Variants in APH1A observed in about 807,000 individuals in gnomAD.
APH1A encodes aph-1A gamma-secretase subunit, also known as gamma-secretase subunit APH-1A.
APH1A carries 16 observed loss-of-function variants against 30.3 expected under a neutral mutation model. The ratio of observed to expected loss-of-function variants is 0.53; its 90% CI spans 0.36 to 0.80. APH1A has a LOEUF of 0.80. Ranked by LOEUF, APH1A falls within the 30% of genes least tolerant of loss-of-function variation. The pLI is 0.01. For synonymous variants in APH1A, 144 were observed against 140.1 expected, an observed-to-expected ratio of 1.03 and a Z score of -0.20; for missense variants, 245 against 337.8, an observed-to-expected ratio of 0.73 and a Z score of 2.15.
At chr1:150,268,638 C>T (rs1651955224) in intron 1 of APH1A, 60 bp downstream of exon 1, 9 of 1,520,152 alleles carry the variant, frequency 5.9e-6, no homozygotes, top group Non-Finnish European at 6.3e-6. Context: ...CCAGTTCCTC[C>T]AGCCCCTTCC....
chr1:150,266,083 G>A lies in APH1A; in HGVS notation c.*47C>T. ...CTGGAGATGGAGAAATACAGGGCGAGGACATCAGGAGGGCACCCCAGGCCC... is the reference window on the plus strand; with the variant it reads ...CTGGAGATGGAGAAATACAGGGCGAAGACATCAGGAGGGCACCCCAGGCCC... On this transcript the variant is annotated 3_prime_UTR_variant, in exon 7 of 7. Coordinates refer to ENST00000369109, the MANE Select transcript of APH1A (RefSeq NM_001077628.3). 6.4e-7 allele frequency: 1 copy of A among 1,554,424 alleles called. No homozygotes were observed. Among genetic ancestry groups the A allele is most frequent in the Non-Finnish European group, 8.7e-7 (1 of 1,148,078 alleles).
At chr1:150,267,574 T>C in intron 3 of APH1A, 96 bp from the exon 4 acceptor site, 1 of 1,586,988 alleles carries the variant, frequency 6.3e-7, no homozygotes, top group Non-Finnish European at 8.6e-7. Context: ...CTTTCACATC[T>C]ACTCTCCCTC....
In APH1A at chr1:150,265,939, C is replaced by T; in HGVS notation, c.*191G>A. On this transcript the variant is annotated 3_prime_UTR_variant, in exon 7 of 7. Transcript: ENST00000369109. ...GGCCTGAGAAAAAGACCAAGATGTC[C>T]AGTCTTGAGGGAGTACTGAGAAACT... The T allele has an allele frequency of 1.5e-6, 1 of 649,202 alleles. No individual in the cohort carries two copies. The highest frequency in any genetic ancestry group is 2.5e-6 in the Non-Finnish European group (1 of 392,334). The allele number at this position is 649,202 out of a possible 1,614,324, so 40.2% of individuals were successfully genotyped here.
intron 1 of APH1A, 160 bp downstream of exon 1, chr1:150,268,538 G>A (rs902507044): frequency 3.1e-5 from 22 of 699,154 alleles, no homozygotes; most frequent in Admixed American, 8.7e-5. Context: ...CCAACTGCGG[G>A]AAAGGACAAA....
chr1:150,268,048 C>A lies in APH1A; in HGVS notation c.193G>T (p.Ala65Ser). The part of the protein sequence containing the change: ...ILVHVTDRSD[A>S]RLQYGLLIFG... The stretch of plus-strand genomic sequence containing the variant: ...ATCAGGAGGCCGTACTGGAGCCGGG[C>A]ATCTGACCGGTCGGTCACATGGACC... The change falls in exon 2 of 7, where the codon GCC becomes TCC. Residue 65 changes from alanine to serine, a missense_variant. Coordinates refer to ENST00000369109, the MANE Select transcript of APH1A (RefSeq NM_001077628.3). The A allele has an allele frequency of 6.2e-7, 1 of 1,614,172 alleles. No individual in the cohort carries two copies. Among genetic ancestry groups the A allele is most frequent in the African/African-American group, 1.3e-5 (1 of 75,042 alleles).
rs201096173 is a variant in APH1A, at chr1:150,267,084, T to A, written c.600A>T (p.Thr200=). The change falls in exon 5 of 7, where the codon ACA becomes ACT. Residue 200 remains threonine, a synonymous_variant. Transcript: ENST00000369109. ...LGLVVGSHLL[T]SGLTFLNPWY... ...CCTGTCTCCAACTCACCAGTCCCGA[T>A]GTCAGTAGGTGACTCCCAACCACCA... 1.2e-5 allele frequency: 19 copies of A among 1,614,058 alleles called. No individual in the cohort carries two copies. In the East Asian group the frequency reaches 2.7e-4, roughly 23 times the overall value.
Position 150,268,799 on chromosome 1 carries a change from C to T in APH1A, c.12G>A (p.Ala4=), listed in dbSNP as rs376233738. 23 of 1,613,158 alleles carry T rather than the reference C, an allele frequency of 1.4e-5. No homozygotes were observed. The Middle Eastern group carries it at 4.9e-4, about 35-fold the overall frequency. The change falls in exon 1 of 7, where the codon GCG becomes GCA. Residue 4 remains alanine (A), a synonymous_variant. Coordinates refer to ENST00000369109, the MANE Select transcript of APH1A (RefSeq NM_001077628.3). MGA[A]VFFGCTFVAF... is the part of the protein sequence containing the mutation. ...CGACGAAAGTGCAGCCGAAAAACACCGCAGCCCCCATGGCTGGTCAGGTGG... is the reference window on the plus strand; with the variant it reads ...CGACGAAAGTGCAGCCGAAAAACACTGCAGCCCCCATGGCTGGTCAGGTGG...
At chr1:150,268,649 G>A (rs1553850450) in intron 1 of APH1A, 49 bp downstream of exon 1, 2 of 1,549,952 alleles carry the variant, frequency 1.3e-6, no homozygotes, top group Non-Finnish European at 8.8e-7. Context: ...AGCCCCTTCC[G>A]CACCTCTCTC....
chr1:150,266,257 G>A, intron 6 of APH1A, 63 bp from the exon 7 acceptor site: 2 of 1,552,872 alleles, frequency 1.3e-6, no homozygotes, highest in South Asian at 2.4e-5. Context: ...CACAGGGGGA[G>A]TCCTGGACAC....
chr1:150,268,357 G>C, intron 1 of APH1A: 2 of 624,356 alleles, frequency 3.2e-6, no homozygotes, highest in South Asian at 4.1e-5. Flanking sequence ...ATGACAGCCA[G>C]AGTGTGCGAG....
intron 5 of APH1A, 60 bp downstream of exon 5, chr1:150,267,015 C>G: frequency 3.4e-5 from 55 of 1,603,664 alleles, no homozygotes; most frequent in Non-Finnish European, 4.7e-5. Flanking sequence ...CCCTTTCCCC[C>G]ACATCCCACT....
chr1:150,266,798 A>G (rs1445627393), intron 5 of APH1A, 142 bp from the exon 6 acceptor site: 1 of 1,165,852 alleles, frequency 8.6e-7, no homozygotes, highest in African/African-American at 1.6e-5. Context: ...TCTTGTGGTT[A>G]AGGGGACTTT....
chr1:150,268,823 G>T lies in APH1A; in HGVS notation c.-13C>A. 6.2e-7 allele frequency: 1 copy of T among 1,607,010 alleles called. No individual in the cohort carries two copies. Among genetic ancestry groups the T allele is most frequent in the South Asian group, 1.1e-5 (1 of 90,178 alleles). On this transcript the variant is annotated 5_prime_UTR_variant, in exon 1 of 7. Coordinates refer to ENST00000369109, the MANE Select transcript of APH1A (RefSeq NM_001077628.3). Reference sequence around the variant, plus strand: ...CCGCAGCCCCCATGGCTGGTCAGGTGGGAAGGGGGGTGGGGGCCTGACCAG... The same window carrying T: ...CCGCAGCCCCCATGGCTGGTCAGGTTGGAAGGGGGGTGGGGGCCTGACCAG...
chr1:150,266,444 T>C (rs1553849890), intron 6 of APH1A, 89 bp downstream of exon 6: 1 of 1,587,584 alleles, frequency 6.3e-7, no homozygotes, highest in East Asian at 2.2e-5. Context: ...ATGTGGGCAA[T>C]GGACCCGGGC....
At position 150,268,861 on chromosome 1, in the gene APH1A, G is replaced by A; in HGVS notation, c.-51C>T. The A allele has an allele frequency of 6.6e-7, 1 of 1,523,936 alleles. No individual in the cohort carries two copies. The highest frequency in any genetic ancestry group is 9.0e-7 in the Non-Finnish European group (1 of 1,116,582). The allele number at this position is 1,523,936 out of a possible 1,614,324, so 94.4% of individuals were successfully genotyped here. ...GGGGCCTGACCAGGACAGGCAAATG[G>A]GAGGGGCGCGCCAGCTGGGGAGTCC... On this transcript the variant is annotated 5_prime_UTR_variant, in exon 1 of 7. Coordinates refer to ENST00000369109, the MANE Select transcript of APH1A (RefSeq NM_001077628.3).
chr1:150,266,974 G>C lies in APH1A; in HGVS notation c.609+101C>G. ...AGACTCACCTTTCCTCCTCCTCCCA[G>C]GTAAGTTAAAAATGTTAAGAAGTGA... On this transcript the variant is annotated intron_variant, in intron 5 of 6. Transcript: ENST00000369109. 3 of 1,541,048 alleles carry C rather than the reference G, an allele frequency of 1.9e-6. No individual in the cohort carries two copies. In the South Asian group the frequency reaches 3.7e-5, roughly 19 times the overall value.
At chr1:150,266,890 C>T (rs1269506600) in intron 5 of APH1A, 185 bp downstream of exon 5, 6 of 1,122,830 alleles carry the variant, frequency 5.3e-6, no homozygotes, top group Non-Finnish European at 7.5e-6. Flanking sequence ...TTGACTAATC[C>T]TTTCAACCTC....
At position 150,268,727 on chromosome 1, in the gene APH1A, G is replaced by T. The variant is rs1651967783; in HGVS notation, c.84C>A (p.Asp28Glu). Residue 28 changes from aspartate to glutamate, a missense_variant, in exon 1 of 7, where the codon GAC becomes GAA. Coordinates refer to ENST00000369109, the MANE Select transcript of APH1A (RefSeq NM_001077628.3). ...CGACCAGGATGATAACGCGAAGCGG[G>T]TCCCCAGCCACAGTGATCAAGAAAA... ...FALFLITVAG[D>E]PLRVIILVAG... The T allele has an allele frequency of 6.2e-7, 1 of 1,613,378 alleles. No individual in the cohort carries two copies. The highest frequency in any genetic ancestry group is 8.5e-7 in the Non-Finnish European group (1 of 1,179,794).
chr1:150,266,000 A>C lies in APH1A; in HGVS notation c.*130T>G. The C allele has an allele frequency of 1.8e-6, 2 of 1,095,476 alleles. No individual in the cohort carries two copies. The highest frequency in any genetic ancestry group is 3.3e-5 in the South Asian group (2 of 59,986). 67.9% of individuals were successfully genotyped at this position (1,095,476 alleles called of 1,614,324 possible). ...CTATCCTTGAGCCTCCATTAATTTC[A>C]TCTCCAGGGCAATGGCTAAACTAGG... On this transcript the variant is annotated 3_prime_UTR_variant, in exon 7 of 7. Transcript: ENST00000369109.
Sources: gnomAD v4.1 joint callset for allele counts on GRCh38, gnomAD v4.1.1 for gene constraint, MANE v1.5 for transcripts, NCBI Gene and HGNC (gene_info 2026-07-23, HGNC 2026-07-21) for gene names.